Variants in MACROD2 observed in about 807,000 individuals in gnomAD.
MACROD2 encodes ADP-ribose glycohydrolase MACROD2.
In MACROD2, 36 loss-of-function variants were observed where a neutral mutation model predicts 70.4. That is an observed-to-expected ratio of 0.51 (90% CI 0.39 to 0.68). MACROD2 has a LOEUF of 0.68. Ranked by LOEUF, MACROD2 falls within the 30% of genes least tolerant of loss-of-function variation. The probability of loss-of-function intolerance (pLI) is 0.00; values close to 1 mark genes in which losing one functional copy is unlikely to be tolerated. For synonymous variants in MACROD2, 172 were observed against 178.8 expected, an observed-to-expected ratio of 0.96 and a Z score of 0.30; for missense variants, 496 against 538.4, an observed-to-expected ratio of 0.92 and a Z score of 0.78.
At chr20:14,612,216 C>T (rs549845130) in intron 4 of MACROD2, among the ~76,000 whole-genome samples, 125 of 152,176 alleles carry the variant, frequency 8.2e-4, no homozygotes, top group African/African-American at 2.8e-3. Flanking sequence ...TAATTCTCAG[C>T]GGTAGGCCAC....
At chr20:14,862,108 TAA>T (rs2073337484) in intron 5 of MACROD2, among the ~76,000 whole-genome samples, 1 of 5,924 alleles carries the variant, frequency 1.7e-4, no homozygotes, top group African/African-American at 1.9e-3. Context: ...TATTTATACA[TAA>T]ATATATAAAT....
At chr20:15,683,189 A>G (rs1485873377) in intron 8 of MACROD2, among the ~76,000 whole-genome samples, 3 of 152,202 alleles carry the variant, frequency 2.0e-5, no homozygotes, top group African/African-American at 4.8e-5. Context: ...TATAGAAATC[A>G]TTGAGTTTCT....
At chr20:14,821,872 C>G (rs1332772831) in intron 5 of MACROD2, among the ~76,000 whole-genome samples, 1 of 152,068 alleles carries the variant, frequency 6.6e-6, no homozygotes, top group African/African-American at 2.4e-5. Context: ...TGTATACTTA[C>G]ATTTCCAAAG....
In MACROD2 at chr20:14,912,067, G is replaced by A. The variant is rs367964231; in HGVS notation, c.418+227108G>A. 3.9e-5 allele frequency among the ~76,000 whole-genome samples: 6 copies of A among 152,224 alleles called. 1 individual carries two copies. The highest frequency in any genetic ancestry group is 1.4e-4 in the African/African-American group (6 of 41,558). On this transcript the variant is annotated intron_variant, in intron 5 of 17. Transcript: ENST00000684519. ...AGGTGATTTCACTAACCTACAGCGT[G>A]CTACAGGAAGATAAATTAGGGGGTC...
At chr20:15,876,868 T>C (rs1315751559) in intron 9 of MACROD2, among the ~76,000 whole-genome samples, 1 of 152,172 alleles carries the variant, frequency 6.6e-6, no homozygotes, top group African/African-American at 2.4e-5. Context: ...TGGCCATTGA[T>C]GATGATCATT....
chr20:15,391,739 G>A (rs973733478), intron 6 of MACROD2, among the ~76,000 whole-genome samples: 3 of 152,100 alleles, frequency 2.0e-5, no homozygotes, highest in African/African-American at 4.8e-5. Flanking sequence ...ATGTAGAATT[G>A]TCTGGGTCTC....
chr20:15,513,614 A>G (rs1029443921), intron 8 of MACROD2, among the ~76,000 whole-genome samples: 3 of 152,208 alleles, frequency 2.0e-5, no homozygotes, highest in African/African-American at 7.2e-5. Context: ...AGAAAGATTG[A>G]TATACTCAAA....
chr20:15,586,518 C>G (rs1298070230), intron 8 of MACROD2, among the ~76,000 whole-genome samples: 1 of 152,176 alleles, frequency 6.6e-6, no homozygotes, highest in South Asian at 2.1e-4. Flanking sequence ...TAGATGGATT[C>G]TTTCTTAACA....
At chr20:14,249,797 A>G (rs771523686) in intron 3 of MACROD2, among the ~76,000 whole-genome samples, 11 of 152,270 alleles carry the variant, frequency 7.2e-5, no homozygotes, top group Admixed American at 2.0e-4. Flanking sequence ...CTGGAGCCAT[A>G]CAATATACTA....
chr20:14,161,191 CTTT>C (rs376789442), intron 3 of MACROD2, among the ~76,000 whole-genome samples: 4 of 136,922 alleles, frequency 2.9e-5, no homozygotes, highest in Non-Finnish European at 3.1e-5. Flanking sequence ...TTTTCTTTTT[CTTT>C]TTTTTTTTTT....
chr20:14,001,548 C>T (rs2052732878), intron 1 of MACROD2, among the ~76,000 whole-genome samples: 1 of 151,626 alleles, frequency 6.6e-6, no homozygotes, highest in Non-Finnish European at 1.5e-5. Flanking sequence ...TTGTATCTTA[C>T]TGTGTTAGAC....
intron 4 of MACROD2, among the ~76,000 whole-genome samples, chr20:14,648,354 A>G (rs991300636): frequency 6.6e-6 from 1 of 152,212 alleles, no homozygotes; most frequent in African/African-American, 2.4e-5. Context: ...GGTTCATTAT[A>G]GGACTCACTA....
chr20:14,346,092 T>TA (rs2083061005), intron 3 of MACROD2, among the ~76,000 whole-genome samples: 1 of 13,184 alleles, frequency 7.6e-5, no homozygotes, highest in Admixed American at 1.7e-3. Context: ...AGATTCTGCC[T>TA]CAAAAAAAAA....
At chr20:14,862,627 A>G (rs2073375729) in intron 5 of MACROD2, among the ~76,000 whole-genome samples, 1 of 12,548 alleles carries the variant, frequency 8.0e-5, no homozygotes, top group African/African-American at 2.5e-4. Context: ...ATATATATAT[A>G]TAAATATATA....
intron 10 of MACROD2, among the ~76,000 whole-genome samples, chr20:15,901,265 C>T (rs1213417849): frequency 6.6e-6 from 1 of 152,110 alleles, no homozygotes; most frequent in Non-Finnish European, 1.5e-5. Context: ...TCTCTATTCC[C>T]CTTATCTTCA....
At chr20:14,182,918 T>G (rs1301128088) in intron 3 of MACROD2, among the ~76,000 whole-genome samples, 5 of 151,772 alleles carry the variant, frequency 3.3e-5, no homozygotes, top group African/African-American at 1.2e-4. Flanking sequence ...TCTAGCTAGA[T>G]CAGCTAACCC....
At chr20:14,975,951 A>G (rs115755083) in intron 5 of MACROD2, among the ~76,000 whole-genome samples, 1,669 of 152,264 alleles carry the variant, frequency 0.011, 30 homozygotes, top group African/African-American at 0.038. Flanking sequence ...CCGGCTTTCA[A>G]CGGAATTAAC....
intron 8 of MACROD2, among the ~76,000 whole-genome samples, chr20:15,616,657 A>G (rs1042760907): frequency 1.1e-4 from 17 of 152,148 alleles, no homozygotes; most frequent in African/African-American, 3.6e-4. Flanking sequence ...GCCTGGTTCT[A>G]ACTTTAATTC....
intron 5 of MACROD2, among the ~76,000 whole-genome samples, chr20:14,886,741 T>C (rs920266895): frequency 3.3e-5 from 5 of 152,304 alleles, no homozygotes; most frequent in African/African-American, 1.2e-4. Context: ...CGTGCTAATC[T>C]TTAACTTTTT....
Sources: gnomAD v4.1 joint callset for allele counts (sites outside exome capture counted in the v4.1 genomes callset) on GRCh38, gnomAD v4.1.1 for gene constraint, MANE v1.5 for transcripts, NCBI Gene and HGNC (gene_info 2026-07-23, HGNC 2026-07-21) for gene names.